ZMYND8: variants seen among roughly 807,000 people sequenced by gnomAD.
ZMYND8 encodes MYND-type zinc finger-containing chromatin reader ZMYND8.
A neutral mutation model predicts 140.8 loss-of-function variants in ZMYND8; 37 were observed. That is an observed-to-expected ratio of 0.26 (90% CI 0.20 to 0.35). The LOEUF (loss-of-function observed/expected upper bound fraction) is 0.35. Ranked by LOEUF, ZMYND8 falls within the 10% of genes least tolerant of loss-of-function variation. The pLI is 1.00. For synonymous variants in ZMYND8, 592 were observed against 597.1 expected (o/e 0.99, Z 0.12); for missense variants, 1,068 against 1,570.0 (o/e 0.68, Z 5.40).
rs1221317336 is a variant in ZMYND8 at position 47,347,865 on chromosome 20, G to A, written c.76C>T (p.Arg26Cys). 3 of 1,613,652 alleles carry A rather than the reference G, an allele frequency of 1.9e-6. No homozygotes were observed. Among genetic ancestry groups the A allele is most frequent in the South Asian group, 1.1e-5 (1 of 91,086 alleles). The change falls in exon 2 of 23, where the codon CGC (arginine) becomes TGC (cysteine). Residue 26 changes from arginine to cysteine, a missense_variant. By Grantham distance (180) the Arg-to-Cys change is radical. Transcript: ENST00000471951. Reference sequence around the variant, plus strand: ...CAAGATTTTTACTCACCTTTGGAGCGAGTAGAGATATCCATGCCCTCTACC... The same window carrying A: ...CAAGATTTTTACTCACCTTTGGAGCAAGTAGAGATATCCATGCCCTCTACC... ...EVVEGMDIST[R>C]SKDPGSAERT...
chr20:47,307,111 G>A (rs1483923504), intron 3 of ZMYND8, among the ~76,000 whole-genome samples: 1 of 152,084 alleles, frequency 6.6e-6, no homozygotes. Context: ...GAGGTGATCA[G>A]GGCCCTGCCC....
chr20:47,349,628 T>G (rs1249325549), intron 1 of ZMYND8, among the ~76,000 whole-genome samples: 1 of 152,198 alleles, frequency 6.6e-6, no homozygotes, highest in Non-Finnish European at 1.5e-5. Flanking sequence ...AAAAGCCCCA[T>G]GCAGCCCTCG....
intron 11 of ZMYND8, among the ~76,000 whole-genome samples, chr20:47,265,980 C>A (rs749474168): frequency 1.3e-5 from 2 of 152,158 alleles, no homozygotes; most frequent in Admixed American, 6.5e-5. Context: ...CTCTACCCAG[C>A]CAGTGAAGGG....
chr20:47,272,345 G>A lies in ZMYND8; in HGVS notation c.1480+3969C>T, dbSNP rs988830240. Among the ~76,000 whole-genome samples the A allele has an allele frequency of 6.6e-5, 10 of 152,224 alleles. No homozygotes were observed. In the South Asian group the frequency reaches 8.3e-4, roughly 13 times the overall value. Reference sequence around the variant, plus strand: ...GCTTGTCTCGACCTCCCAAAGTGCTGGGATTACAGACGTGAACCACCGCAC... The same window carrying A: ...GCTTGTCTCGACCTCCCAAAGTGCTAGGATTACAGACGTGAACCACCGCAC... On this transcript the variant is annotated intron_variant, in intron 11 of 22. Coordinates refer to ENST00000471951, the MANE Select transcript of ZMYND8 (RefSeq NM_001281775.3).
At chr20:47,222,258 G>A (rs560908898) in intron 19 of ZMYND8, among the ~76,000 whole-genome samples, 13 of 152,342 alleles carry the variant, frequency 8.5e-5, no homozygotes, top group African/African-American at 1.7e-4. Context: ...GTTTGGGGCC[G>A]GGTGCGGCGG....
chr20:47,236,243 C>T, intron 16 of ZMYND8, 83 bp downstream of exon 16: 9 of 1,557,022 alleles, frequency 5.8e-6, no homozygotes, highest in Non-Finnish European at 7.9e-6. Context: ...GGTTAAGACG[C>T]TCACGCTTCC....
At chr20:47,261,582 TCATCATCATC>T (rs2075160376) in intron 12 of ZMYND8, among the ~76,000 whole-genome samples, 24 of 142,538 alleles carry the variant, frequency 1.7e-4, no homozygotes, top group Admixed American at 2.1e-4. Context: ...ATCATCATCA[TCATCATCATC>T]ATCCAGGGAA....
chr20:47,244,033 C>G (rs2040253159), intron 14 of ZMYND8, among the ~76,000 whole-genome samples: 1 of 152,212 alleles, frequency 6.6e-6, no homozygotes, highest in Non-Finnish European at 1.5e-5. Context: ...GTACCTCTCA[C>G]AGACATTCTC....
At chr20:47,265,558 A>G (rs1473469054) in intron 11 of ZMYND8, among the ~76,000 whole-genome samples, 1 of 152,172 alleles carries the variant, frequency 6.6e-6, no homozygotes, top group Non-Finnish European at 1.5e-5. Context: ...CTCCTGCCTC[A>G]GTCTCCGGAG....
At chr20:47,216,133 G>A (rs1301002026) in intron 21 of ZMYND8, among the ~76,000 whole-genome samples, 1 of 152,108 alleles carries the variant, frequency 6.6e-6, no homozygotes, top group Non-Finnish European at 1.5e-5. Flanking sequence ...CCAAAACAGA[G>A]CAGAGAACTT....
intron 1 of ZMYND8, chr20:47,354,418 A>G (rs1350436343): frequency 1.3e-5 from 2 of 152,226 alleles, no homozygotes; most frequent in South Asian, 2.1e-4. Flanking sequence ...ATTTCCATTT[A>G]CAGCAAGGAG....
intron 7 of ZMYND8, among the ~76,000 whole-genome samples, chr20:47,287,999 T>C (rs1157148654): frequency 6.6e-6 from 1 of 152,216 alleles, no homozygotes; most frequent in African/African-American, 2.4e-5. Flanking sequence ...AGTAACCATC[T>C]AGCCCCAGGT....
intron 2 of ZMYND8, chr20:47,320,705 C>CA (rs1195386875): frequency 2.6e-5 from 4 of 152,176 alleles, no homozygotes; most frequent in Non-Finnish European, 5.9e-5. Context: ...GCCGGGGTGA[C>CA]AGAGCAAGAT....
At chr20:47,227,099 C>T (rs1274234668) in intron 18 of ZMYND8, 104 bp downstream of exon 18, 7 of 1,227,988 alleles carry the variant, frequency 5.7e-6, no homozygotes, top group Admixed American at 1.7e-5. Flanking sequence ...TCATACAATC[C>T]TAGCCTAGCT....
rs1191622193 is a variant in ZMYND8 at position 47,276,347 on chromosome 20, C to T, written c.1447G>A (p.Glu483Lys). The T allele has an allele frequency of 1.9e-6, 3 of 1,589,386 alleles. No individual in the cohort carries two copies. The highest frequency in any genetic ancestry group is 2.6e-6 in the Non-Finnish European group (3 of 1,163,504). ...KATSSHFSASEESMDFLDKST... is the reference protein window; with the variant it reads ...KATSSHFSASKESMDFLDKST... ...TTATCCAGGAAGTCCATGGACTCCT[C>T]GCTCGCACTGAAGTGGCTCGACGTG... The change falls in exon 11 of 23, where the codon GAG becomes AAG. Residue 483 changes from glutamate to lysine, a missense_variant. Glu to Lys is a moderately conservative substitution (Grantham distance 56). This residue lies in a region of ZMYND8 where 173 missense variants were observed against 223.3 expected (regional missense o/e 0.77). Transcript: ENST00000471951.
intron 1 of ZMYND8, among the ~76,000 whole-genome samples, chr20:47,356,214 T>TA (rs1227916792): frequency 3.1e-5 from 4 of 128,184 alleles, no homozygotes; most frequent in Non-Finnish European, 4.8e-5. Context: ...CCTGTTTGCT[T>TA]ACCTTCCATT....
chr20:47,255,761 T>C (rs1315811325), intron 12 of ZMYND8, among the ~76,000 whole-genome samples: 1 of 98,284 alleles, frequency 1.0e-5, no homozygotes, highest in Non-Finnish European at 1.9e-5. Context: ...TATATATATA[T>C]ATACGGTATA....
intron 2 of ZMYND8, among the ~76,000 whole-genome samples, chr20:47,333,555 G>A (rs777956815): frequency 1.7e-4 from 26 of 151,808 alleles, no homozygotes; most frequent in African/African-American, 6.1e-4. Flanking sequence ...GTGAAACCTC[G>A]TCTCTACTAA....
At position 47,239,062 on chromosome 20, in the gene ZMYND8, G is replaced by T; in HGVS notation, c.2361C>A (p.Ser787=). The T allele has an allele frequency of 3.2e-6, 5 of 1,566,184 alleles. No homozygotes were observed. Among genetic ancestry groups the T allele is most frequent in the Non-Finnish European group, 4.3e-6 (5 of 1,154,964 alleles). ...PPETPVLTRS[S]AQTSAAGATA... is the part of the protein sequence containing the mutation. Reference sequence around the variant, plus strand: ...TGGCGCCAGCCGCGGAAGTTTGGGCGGAAGAGCGGGTGAGCACCGGTGTTT... The same window carrying T: ...TGGCGCCAGCCGCGGAAGTTTGGGCTGAAGAGCGGGTGAGCACCGGTGTTT... Residue 787 remains serine (S), a synonymous_variant, in exon 15 of 23, where the codon TCC becomes TCA. Coordinates refer to ENST00000471951, the MANE Select transcript of ZMYND8 (RefSeq NM_001281775.3).
Sources: allele counts gnomAD v4.1 joint callset (sites outside exome capture counted in the v4.1 genomes callset), GRCh38; gene constraint gnomAD v4.1.1; regional missense constraint gnomAD v4.1.1; transcripts MANE v1.5; gene names NCBI Gene and HGNC (gene_info 2026-07-23, HGNC 2026-07-21).